The following PTPRG variants were observed in gnomAD, a reference collection of about 807,000 sequenced individuals.
PTPRG encodes receptor-type tyrosine-protein phosphatase gamma.
PTPRG carries 102 observed loss-of-function variants against 165.3 expected under a neutral mutation model. The observed-to-expected ratio is 0.62, with a 90% CI of 0.53 to 0.73. The LOEUF (loss-of-function observed/expected upper bound fraction) is 0.73, where lower values mean the gene tolerates loss of function less well. Ranked by LOEUF, PTPRG falls within the 30% of genes least tolerant of loss-of-function variation. The pLI is 0.00. For synonymous variants in PTPRG, 675 were observed against 669.5 expected (o/e 1.01, Z -0.13); for missense variants, 1,866 against 1,861.4 (o/e 1.00, Z -0.05).
chr3:61,758,814 TAAG>T (rs1279822847), intron 2 of PTPRG, among the ~76,000 whole-genome samples: 1 of 152,140 alleles, frequency 6.6e-6, no homozygotes, highest in African/African-American at 2.4e-5. Context: ...TTGGTAGCAG[TAAG>T]AAGAACGTAA....
At chr3:61,771,459 G>A (rs940477414) in intron 2 of PTPRG, 2 of 151,664 alleles carry the variant, frequency 1.3e-5, no homozygotes, top group Non-Finnish European at 2.9e-5. Context: ...GTTTCATTTA[G>A]ACCATACAAG....
chr3:62,272,904 G>T (rs1702112279), intron 21 of PTPRG, 42 bp from the exon 22 acceptor site: 3 of 1,526,150 alleles, frequency 2.0e-6, no homozygotes. Flanking sequence ...TTAACAGTAT[G>T]ATAAAACAAA....
At position 62,185,618 on chromosome 3, in the gene PTPRG, C is replaced by T. The variant is rs140488427; in HGVS notation, c.1034-5851C>T. 6.4e-3 allele frequency among the ~76,000 whole-genome samples: 977 copies of T among 152,260 alleles called. 9 individuals are homozygous for T. Among genetic ancestry groups the T allele is most frequent in the Middle Eastern group, 0.017 (5 of 294 alleles). On this transcript the variant is annotated intron_variant, in intron 8 of 29. Coordinates refer to ENST00000474889, the MANE Select transcript of PTPRG (RefSeq NM_002841.4). The stretch of plus-strand genomic sequence containing the variant: ...AAAAAGAAAAATTGAGTACACACTC[C>T]CATCTAAAGGAAATGGTTGCTCTCC...
chr3:61,894,298 T>G (rs2038291301), intron 2 of PTPRG, among the ~76,000 whole-genome samples: 1 of 61,392 alleles, frequency 1.6e-5, no homozygotes. Context: ...CAAGACTCTG[T>G]GTCAAAAAAA....
intron 1 of PTPRG, among the ~76,000 whole-genome samples, chr3:61,708,650 G>C (rs1349900610): frequency 2.6e-5 from 4 of 151,496 alleles, no homozygotes; most frequent in African/African-American, 7.3e-5. Context: ...GTAGAGATGG[G>C]GTTTCACTGT....
intron 1 of PTPRG, among the ~76,000 whole-genome samples, chr3:61,582,205 T>G (rs984313411): frequency 2.6e-5 from 4 of 152,152 alleles, no homozygotes; most frequent in Admixed American, 6.5e-5. Flanking sequence ...TGGTCTCAAG[T>G]GATCCACTCG....
intron 1 of PTPRG, among the ~76,000 whole-genome samples, chr3:61,718,126 G>A (rs1191227342): frequency 2.0e-5 from 3 of 150,846 alleles, no homozygotes; most frequent in Non-Finnish European, 4.4e-5. Context: ...GTTGCAGGGA[G>A]CCAAGATCAT....
intron 5 of PTPRG, among the ~76,000 whole-genome samples, chr3:62,125,421 C>A (rs1003477195): frequency 5.3e-5 from 8 of 152,030 alleles, no homozygotes; most frequent in African/African-American, 1.9e-4. Context: ...TTTTTGCTTC[C>A]AGGGAATGAA....
chr3:61,826,759 T>G (rs532765123), intron 2 of PTPRG, among the ~76,000 whole-genome samples: 1 of 151,998 alleles, frequency 6.6e-6, no homozygotes, highest in Non-Finnish European at 1.5e-5. Flanking sequence ...CTGTTTCTCA[T>G]CTGTGAAGTA....
chr3:62,141,498 G>C (rs1208900810), intron 6 of PTPRG, among the ~76,000 whole-genome samples: 1 of 152,114 alleles, frequency 6.6e-6, no homozygotes, highest in Non-Finnish European at 1.5e-5. Context: ...ATTTTGGGGA[G>C]CTGAGGTGGG....
chr3:62,250,157 T>C (rs1232856036), intron 15 of PTPRG, among the ~76,000 whole-genome samples: 1 of 152,266 alleles, frequency 6.6e-6, no homozygotes, highest in East Asian at 1.9e-4. Flanking sequence ...GGCACTCTTA[T>C]AAGTACTTGT....
intron 2 of PTPRG, among the ~76,000 whole-genome samples, chr3:61,881,016 C>G (rs1333727905): frequency 6.6e-6 from 1 of 151,092 alleles, no homozygotes; most frequent in Non-Finnish European, 1.5e-5. Flanking sequence ...TCATTTGTTA[C>G]CCTCTTGGCA....
At chr3:62,292,594 C>T in intron 29 of PTPRG, 38 bp downstream of exon 29, 1 of 1,599,718 alleles carries the variant, frequency 6.3e-7, no homozygotes, top group Non-Finnish European at 8.5e-7. Context: ...TGTACTACAT[C>T]AGTTGAAACT....
At chr3:62,231,117 G>A in intron 13 of PTPRG, 108 bp from the exon 14 acceptor site, 1 of 749,660 alleles carries the variant, frequency 1.3e-6, no homozygotes, top group Non-Finnish European at 1.9e-6. Flanking sequence ...CTGATGACGG[G>A]GTCTGTCTGT....
Position 61,974,991 on chromosome 3 carries a change from G to A in PTPRG, c.191-14634G>A, listed in dbSNP as rs560777808. Among the ~76,000 whole-genome samples the A allele has an allele frequency of 2.0e-5, 3 of 152,276 alleles. No homozygotes were observed. In the East Asian group the frequency reaches 5.8e-4, roughly 29 times the overall value. ...GCAAGAAGTTTAACGAGAGTCTCTG[G>A]AGCCATCTCTCTGAGTTTGAATCTT... On this transcript the variant is annotated intron_variant, in intron 2 of 29. Transcript: ENST00000474889.
intron 4 of PTPRG, among the ~76,000 whole-genome samples, chr3:62,009,863 G>T (rs1251505977): frequency 6.6e-6 from 1 of 152,106 alleles, no homozygotes; most frequent in Non-Finnish European, 1.5e-5. Context: ...GTCAGGTTGG[G>T]TAGCACCGCT....
At chr3:62,182,994 T>C (rs998091384) in intron 8 of PTPRG, among the ~76,000 whole-genome samples, 5 of 152,228 alleles carry the variant, frequency 3.3e-5, no homozygotes. Context: ...TATATGTCAG[T>C]CCACGTGCAT....
At chr3:62,115,369 C>T (rs1379217867) in intron 5 of PTPRG, among the ~76,000 whole-genome samples, 1 of 152,046 alleles carries the variant, frequency 6.6e-6, no homozygotes, top group African/African-American at 2.4e-5. Flanking sequence ...TGCAGACTCT[C>T]AACTAAAATT....
At chr3:62,202,914 T>C (rs540849478) in intron 11 of PTPRG, among the ~76,000 whole-genome samples, 1 of 152,194 alleles carries the variant, frequency 6.6e-6, no homozygotes, top group African/African-American at 2.4e-5. Context: ...TTGGGTAATA[T>C]CAGTGAAAAG....
Sources: allele counts gnomAD v4.1 joint callset (sites outside exome capture counted in the v4.1 genomes callset), GRCh38; gene constraint gnomAD v4.1.1; transcripts MANE v1.5; gene names NCBI Gene and HGNC (gene_info 2026-07-23, HGNC 2026-07-21).